The following LAMP1 variants were observed in gnomAD, a reference collection of about 807,000 sequenced individuals.
LAMP1 encodes lysosome-associated membrane glycoprotein 1.
In LAMP1, 7 loss-of-function variants were observed where a neutral mutation model predicts 37.5. That is an observed-to-expected ratio of 0.19 (90% CI 0.11 to 0.35). LAMP1 has a LOEUF of 0.35. LAMP1 is among the 10% of genes least tolerant of loss of function. LAMP1 has a pLI of 1.00. For synonymous variants in LAMP1, 236 were observed against 229.1 expected (o/e 1.03, Z -0.27); for missense variants, 537 against 552.8 (o/e 0.97, Z 0.29).
At chr13:113,301,606 G>C (rs1166568007) in intron 1 of LAMP1, among the ~76,000 whole-genome samples, 5 of 142,738 alleles carry the variant, frequency 3.5e-5, no homozygotes, top group African/African-American at 1.3e-4. Context: ...CTGGGTGACA[G>C]AGTGAGACTC....
At chr13:113,316,867 C>CTT (rs1336568977) in intron 4 of LAMP1, among the ~76,000 whole-genome samples, 1 of 148,170 alleles carries the variant, frequency 6.7e-6, no homozygotes, top group Non-Finnish European at 1.5e-5. Flanking sequence ...AACTGAGACT[C>CTT]TGTCTCAAAA....
chr13:113,300,788 A>G (rs557874609), intron 1 of LAMP1, among the ~76,000 whole-genome samples: 47 of 152,340 alleles, frequency 3.1e-4, no homozygotes, highest in Admixed American at 1.8e-3. Context: ...ACTGCTCTTC[A>G]GGGCAACAGA....
chr13:113,311,915 C>T (rs1310931767), intron 4 of LAMP1, among the ~76,000 whole-genome samples: 5 of 152,188 alleles, frequency 3.3e-5, no homozygotes, highest in African/African-American at 7.2e-5. Context: ...TTTGCTGAAG[C>T]GTGAGGGCCT....
chr13:113,304,094 C>T (rs2042586748), intron 1 of LAMP1, among the ~76,000 whole-genome samples: 1 of 152,026 alleles, frequency 6.6e-6, no homozygotes, highest in Non-Finnish European at 1.5e-5. Context: ...CTGAAACCCT[C>T]AGCATATTTA....
Position 113,320,205 on chromosome 13 carries a change from A to T in LAMP1, c.751-140A>T. ...ATCTTGGGATCCCGAAATCTGTACT[A>T]GTGTGGTCTTTCAGTGTTTTCCTTC... On this transcript the variant is annotated intron_variant, in intron 5 of 8. Coordinates refer to ENST00000332556, the MANE Select transcript of LAMP1 (RefSeq NM_005561.4). This position sits in a 1 kb window ranked among gnomAD's most constrained non-coding sequence, Gnocchi z 4.4. 1.0e-6 allele frequency: 1 copy of T among 956,598 alleles called. No homozygotes were observed. The highest frequency in any genetic ancestry group is 1.6e-6 in the Non-Finnish European group (1 of 615,176). The allele number at this position is 956,598 out of a possible 1,614,324, so 59.3% of individuals were successfully genotyped here.
Position 113,321,760 on chromosome 13 carries a change from G to T in LAMP1, c.1114+33G>T. On this transcript the variant is annotated intron_variant, in intron 8 of 8. Coordinates refer to ENST00000332556, the MANE Select transcript of LAMP1 (RefSeq NM_005561.4). This position sits in a 1 kb window ranked among gnomAD's most constrained non-coding sequence, Gnocchi z 5.6. The stretch of plus-strand genomic sequence containing the variant: ...TCACCGAGGGCAGCTGTCGCGGGGT[G>T]TGGAGGACGTGCTTCAGACTCCGCC... The T allele has an allele frequency of 6.2e-7, 1 of 1,605,536 alleles. No homozygotes were observed. Among genetic ancestry groups the T allele is most frequent in the Non-Finnish European group, 8.5e-7 (1 of 1,175,816 alleles).
intron 1 of LAMP1, among the ~76,000 whole-genome samples, chr13:113,301,194 A>G (rs967922062): frequency 3.3e-5 from 5 of 152,206 alleles, no homozygotes; most frequent in Admixed American, 1.3e-4. Context: ...TCAGCTTTTT[A>G]GAAATATACA....
At chr13:113,317,990 A>G (rs1250174192) in intron 4 of LAMP1, among the ~76,000 whole-genome samples, 3 of 152,214 alleles carry the variant, frequency 2.0e-5, no homozygotes, top group Admixed American at 6.5e-5. Context: ...GCGCCCAGCA[A>G]GTGAAGCTGT....
chr13:113,311,785 A>G (rs1171880571), intron 4 of LAMP1, among the ~76,000 whole-genome samples: 3 of 152,214 alleles, frequency 2.0e-5, no homozygotes, highest in Non-Finnish European at 4.4e-5. Flanking sequence ...AGAGAAATGT[A>G]TGCAAAATGT....
chr13:113,320,233 G>A lies in LAMP1; in HGVS notation c.751-112G>A. On this transcript the variant is annotated intron_variant, in intron 5 of 8. Transcript: ENST00000332556. This position sits in a 1 kb window ranked among gnomAD's most constrained non-coding sequence, Gnocchi z 4.4. ...GTGGTCTTTCAGTGTTTTCCTTCTG[G>A]TTTTGGTTAAAACAAATGTGGCCTT... The A allele has an allele frequency of 7.7e-7, 1 of 1,297,658 alleles. No homozygotes were observed. Among genetic ancestry groups the A allele is most frequent in the Admixed American group, 1.8e-5 (1 of 56,030 alleles). 80.4% of individuals were successfully genotyped at this position (1,297,658 alleles called of 1,614,324 possible). A position where few individuals can be genotyped will look rare whatever the true frequency, so the allele number is the denominator to read the frequency against.
rs753998031 is a variant in LAMP1 at position 113,321,658 on chromosome 13, G to A, written c.1045G>A (p.Ala349Thr). ...NAEEHVRVTK[A>T]FSVNIFKVWV... ...GGAGGAGCACGTCCGTGTCACGAAG[G>A]CGTTTTCAGTCAATATATTCAAAGT... The change falls in exon 8 of 9, where the codon GCG (alanine) becomes ACG (threonine). Residue 349 changes from alanine (A) to threonine (T), a missense_variant. Physicochemically the swap from Ala to Thr is moderately conservative, Grantham distance 58. Coordinates refer to ENST00000332556, the MANE Select transcript of LAMP1 (RefSeq NM_005561.4). This position sits in a 1 kb window ranked among gnomAD's most constrained non-coding sequence, Gnocchi z 5.6. 1 of 1,614,140 alleles carries A rather than the reference G, an allele frequency of 6.2e-7. No homozygotes were observed. Among genetic ancestry groups the A allele is most frequent in the Non-Finnish European group, 8.5e-7 (1 of 1,180,058 alleles).
intron 4 of LAMP1, 81 bp from the exon 5 acceptor site, chr13:113,319,388 T>G (rs2042684526): frequency 1.5e-6 from 2 of 1,292,924 alleles, no homozygotes; most frequent in Non-Finnish European, 2.1e-6. Flanking sequence ...GATGTAGTTT[T>G]GTTTCTGAGT....
chr13:113,310,701 T>A lies in LAMP1; in HGVS notation c.404-8T>A, dbSNP rs75108611. ...TTGCAATTGTGATTTTTTTTTTTTT[T>A]AATCTAGAAATCAAGACTGTGGAAT... On this transcript the variant is annotated splice_region_variant and splice_polypyrimidine_tract_variant and intron_variant, in intron 3 of 8. Transcript: ENST00000332556. 54 of 1,533,800 alleles carry A rather than the reference T, an allele frequency of 3.5e-5. No homozygotes were observed. Among genetic ancestry groups the A allele is most frequent in the Non-Finnish European group, 4.1e-5 (47 of 1,141,626 alleles).
Position 113,321,340 on chromosome 13 carries a change from C to A in LAMP1, c.877-64C>A. 7.9e-7 allele frequency: 1 copy of A among 1,273,002 alleles called. No individual in the cohort carries two copies. Among genetic ancestry groups the A allele is most frequent in the Non-Finnish European group, 1.2e-6 (1 of 869,042 alleles). 78.9% of individuals were successfully genotyped at this position (1,273,002 alleles called of 1,614,324 possible). A position where few individuals can be genotyped will look rare whatever the true frequency, so the allele number is the denominator to read the frequency against. On this transcript the variant is annotated intron_variant, in intron 6 of 8. Transcript: ENST00000332556. The surrounding 1 kb of genome is among the most constrained non-coding windows in gnomAD (Gnocchi z 5.6). ...GTTTGATGATAAATGTGTGAATCTA[C>A]TGGGGTTAAAGATCATCTTTCTATG...
chr13:113,306,695 C>T (rs1303149117), intron 2 of LAMP1, 89 bp downstream of exon 2: 10 of 1,430,738 alleles, frequency 7.0e-6, no homozygotes, highest in Admixed American at 2.1e-5. Context: ...AAAATGGCCC[C>T]ATCTGAACAT....
chr13:113,304,448 A>G lies in LAMP1; in HGVS notation c.62-2037A>G, dbSNP rs1397180992. ...CATCTGATCTTTCACAAGAGTGAGA[A>G]TATTTTGTCTGTTTTTAGAAACCTT... On this transcript the variant is annotated intron_variant, in intron 1 of 8. Transcript: ENST00000332556. Among the ~76,000 whole-genome samples, 6 of 152,246 alleles carry G rather than the reference A, an allele frequency of 3.9e-5. No homozygotes were observed. In the South Asian group the frequency reaches 8.3e-4, roughly 21 times the overall value.
chr13:113,314,245 T>C (rs1350949729), intron 4 of LAMP1, among the ~76,000 whole-genome samples: 29 of 67,972 alleles, frequency 4.3e-4, no homozygotes, highest in East Asian at 1.1e-3. Context: ...TGCGGAGATG[T>C]CGGTGTGCCT....
rs1385914619 is a variant in LAMP1, at chr13:113,321,367, A to C, written c.877-37A>C. ...GGGGTTAAAGATCATCTTTCTATGA[A>C]TCTGCTCCGTGATTAAAGATCATTT... is the stretch of plus-strand genomic sequence containing the variant. On this transcript the variant is annotated intron_variant, in intron 6 of 8. Coordinates refer to ENST00000332556, the MANE Select transcript of LAMP1 (RefSeq NM_005561.4). This position sits in a 1 kb window ranked among gnomAD's most constrained non-coding sequence, Gnocchi z 5.6. 35 of 1,519,492 alleles carry C rather than the reference A, an allele frequency of 2.3e-5. No homozygotes were observed. The highest frequency in any genetic ancestry group is 3.1e-5 in the Non-Finnish European group (34 of 1,093,986). 94.1% of individuals were successfully genotyped at this position (1,519,492 alleles called of 1,614,324 possible).
chr13:113,299,154 A>G (rs555159276), intron 1 of LAMP1, among the ~76,000 whole-genome samples: 2 of 152,320 alleles, frequency 1.3e-5, no homozygotes, highest in African/African-American at 4.8e-5. Flanking sequence ...CAAAAAAAAA[A>G]TTAACTTTAA....
Sources: allele counts gnomAD v4.1 joint callset (sites outside exome capture counted in the v4.1 genomes callset), GRCh38; gene constraint gnomAD v4.1.1; non-coding constraint Gnocchi (gnomAD v3.1); transcripts MANE v1.5; gene names NCBI Gene and HGNC (gene_info 2026-07-23, HGNC 2026-07-21).